The following CLCN5 variants were observed in gnomAD, a reference collection of about 807,000 sequenced individuals.
The protein encoded by CLCN5 is Cl-/H+ antiporter 5.
A neutral mutation model predicts 54.0 loss-of-function variants in CLCN5; 17 were observed. That is an observed-to-expected ratio of 0.31 (90% CI 0.22 to 0.47). CLCN5 has a LOEUF of 0.47. Among genes scored for constraint, CLCN5 ranks in the 20% least tolerant of loss-of-function variants. CLCN5 has a pLI of 1.00. For missense variants in CLCN5, 448 were observed against 646.7 expected (o/e 0.69, Z 3.33); for synonymous variants, 222 against 233.0 (o/e 0.95, Z 0.43).
At chrX:50,085,917 TGTGATTGA>T (rs1933866732) in intron 9 of CLCN5, 55 bp from the exon 10 acceptor site, 2 of 886,009 alleles carry the variant, frequency 2.3e-6, no homozygotes, top group Admixed American at 2.2e-5. Context: ...CTTCTAAAAA[TGTGATTGA>T]GTGATTGAGG....
At chrX:50,082,683 A>G (rs1933747942) in intron 9 of CLCN5, among the ~76,000 whole-genome samples, 1 of 111,558 alleles carries the variant, frequency 9.0e-6, no homozygotes, top group Non-Finnish European at 1.9e-5. Flanking sequence ...AGAAGTAAGG[A>G]TTTTAACTTT....
In CLCN5 at chrX:50,096,800, G is replaced by T. The variant is rs1934277942; in HGVS notation, c.*4581G>T. On this transcript the variant is annotated 3_prime_UTR_variant, in exon 15 of 15. Coordinates refer to ENST00000376091, the MANE Select transcript of CLCN5 (RefSeq NM_001127898.4). ...GCATTTATAAACTGCTTGATTGTGT[G>T]CCTCAAGGGGAGAAAAAGTCAAGCA... 4 of 112,439 alleles carry T rather than the reference G, an allele frequency of 3.6e-5. No homozygotes were observed. The Admixed American group carries it at 3.8e-4, about 11-fold the overall frequency. 9.3% of individuals were successfully genotyped at this position (112,439 alleles called of 1,213,427 possible).
intron 4 of CLCN5, among the ~76,000 whole-genome samples, chrX:50,058,264 G>A (rs1557189357): frequency 9.0e-6 from 1 of 111,444 alleles, no homozygotes; most frequent in East Asian, 2.8e-4. Context: ...TATTACTAAA[G>A]CAGTACTTCA....
chrX:50,034,318 C>T (rs372396647), intron 3 of CLCN5, among the ~76,000 whole-genome samples: 14 of 111,393 alleles, frequency 1.3e-4, no homozygotes, highest in South Asian at 1.1e-3. Context: ...CTATTGCTTT[C>T]GCTGCTTTAC....
intron 3 of CLCN5, among the ~76,000 whole-genome samples, chrX:50,007,032 A>G (rs1258550738): frequency 9.0e-6 from 1 of 111,254 alleles, no homozygotes; most frequent in African/African-American, 3.3e-5. Context: ...GTATACACGG[A>G]GTCCCACTGA....
At chrX:50,076,105 C>A in intron 7 of CLCN5, 123 bp downstream of exon 7, 1 of 630,684 alleles carries the variant, frequency 1.6e-6, no homozygotes, top group Non-Finnish European at 2.6e-6. Flanking sequence ...AAAGGGGAAC[C>A]AGTACCAGCT....
At chrX:49,989,407 G>A (rs1929147586) in intron 3 of CLCN5, among the ~76,000 whole-genome samples, 1 of 111,782 alleles carries the variant, frequency 8.9e-6, no homozygotes, top group Non-Finnish European at 1.9e-5. Context: ...CACAAAAAAC[G>A]TATTATATCC....
rs1929330784 is a variant in CLCN5 at position 49,992,823 on chromosome X, C to G, written c.17-49493C>G. Among the ~76,000 whole-genome samples, 6 of 111,564 alleles carry G rather than the reference C, an allele frequency of 5.4e-5. No homozygotes were observed. The South Asian group carries it at 2.3e-3, about 42-fold the overall frequency. ...TATAAAGGTTTGCATATATGTAGAGCTATAATTTTTCCTTGGTTTATAAAG... is the reference window on the plus strand; with the variant it reads ...TATAAAGGTTTGCATATATGTAGAGGTATAATTTTTCCTTGGTTTATAAAG... On this transcript the variant is annotated intron_variant, in intron 3 of 14. Coordinates refer to ENST00000376091, the MANE Select transcript of CLCN5 (RefSeq NM_001127898.4).
At chrX:50,060,086 C>T (rs1177756730) in intron 4 of CLCN5, among the ~76,000 whole-genome samples, 1 of 107,754 alleles carries the variant, frequency 9.3e-6, no homozygotes, top group African/African-American at 3.4e-5. Context: ...GGCACATTAC[C>T]CTCTTTGAAT....
intron 3 of CLCN5, among the ~76,000 whole-genome samples, chrX:49,940,899 G>A (rs1187464114): frequency 8.9e-6 from 1 of 111,793 alleles, no homozygotes; most frequent in Non-Finnish European, 1.9e-5. Context: ...AGGTTCTAGA[G>A]CCAGACTGCC....
At chrX:49,963,074 C>T (rs1927682350) in intron 3 of CLCN5, among the ~76,000 whole-genome samples, 1 of 111,656 alleles carries the variant, frequency 9.0e-6, no homozygotes, top group Non-Finnish European at 1.9e-5. Flanking sequence ...TAAGGAAGTG[C>T]TTGAATTGAG....
intron 4 of CLCN5, among the ~76,000 whole-genome samples, chrX:50,044,091 C>CCTA (rs1457156943): frequency 1.8e-5 from 2 of 111,544 alleles, no homozygotes; most frequent in Non-Finnish European, 3.8e-5. Context: ...TATGATAGTT[C>CCTA]CTACCCCTTA....
chrX:50,049,485 T>C (rs1344500343), intron 4 of CLCN5, among the ~76,000 whole-genome samples: 1 of 112,165 alleles, frequency 8.9e-6, no homozygotes, highest in African/African-American at 3.2e-5. Context: ...TGTATAGTGG[T>C]TTCAGAATTG....
chrX:50,034,577 G>C, intron 3 of CLCN5, among the ~76,000 whole-genome samples: 1 of 111,660 alleles, frequency 9.0e-6, no homozygotes, highest in Non-Finnish European at 1.9e-5. Flanking sequence ...TATGTGACAT[G>C]CTTTGTATTT....
chrX:49,954,233 T>C (rs184689741), intron 3 of CLCN5, among the ~76,000 whole-genome samples: 1 of 112,141 alleles, frequency 8.9e-6, no homozygotes, highest in East Asian at 2.8e-4. Context: ...CCTGCCTGTT[T>C]CTTCTAGACC....
Position 50,059,137 on chromosome X carries a change from A to C in CLCN5, c.164-10742A>C, listed in dbSNP as rs543216059. Among the ~76,000 whole-genome samples, 3 of 112,488 alleles carry C rather than the reference A, an allele frequency of 2.7e-5. No individual in the cohort carries two copies. In the South Asian group the frequency reaches 1.1e-3, roughly 41 times the overall value. On this transcript the variant is annotated intron_variant, in intron 4 of 14. Transcript: ENST00000376091. ...AGATGTGGAATATGACCAATGACTT[A>C]AGCTGTTTGTCATCAAGTCAGCTAT...
At chrX:50,071,937 C>T (rs1255909486) in intron 5 of CLCN5, among the ~76,000 whole-genome samples, 4 of 111,269 alleles carry the variant, frequency 3.6e-5, no homozygotes, top group Non-Finnish European at 7.5e-5. Flanking sequence ...CTCCTGATAG[C>T]CTTGATGTTA....
chrX:50,011,468 A>C (rs1930499700), intron 3 of CLCN5, among the ~76,000 whole-genome samples: 1 of 112,353 alleles, frequency 8.9e-6, no homozygotes, highest in Non-Finnish European at 1.9e-5. Flanking sequence ...ATGCACAAGC[A>C]TGTGCAGGTT....
At chrX:50,075,147 AT>A (rs1354946212) in intron 6 of CLCN5, among the ~76,000 whole-genome samples, 1 of 111,331 alleles carries the variant, frequency 9.0e-6, no homozygotes, top group Non-Finnish European at 1.9e-5. Flanking sequence ...CTATAGCTTC[AT>A]CTCACCTTCC....
Sources: gnomAD v4.1 joint callset for allele counts (sites outside exome capture counted in the v4.1 genomes callset) on GRCh38, gnomAD v4.1.1 for gene constraint, MANE v1.5 for transcripts, NCBI Gene and HGNC (gene_info 2026-07-23, HGNC 2026-07-21) for gene names.